EYS: variants seen among roughly 807,000 people sequenced by gnomAD.
EYS encodes EGF-like photoreceptor maintenance factor.
In EYS, 250 loss-of-function variants were observed where a neutral mutation model predicts 282.1. That is an observed-to-expected ratio of 0.89 (90% CI 0.80 to 0.98). The LOEUF is 0.98. Among genes scored for constraint, EYS ranks in the 50% least tolerant of loss-of-function variants. The pLI is 0.00. For missense variants in EYS, 4,016 were observed against 3,709.0 expected, an observed-to-expected ratio of 1.08 and a Z score of -2.15; for synonymous variants, 1,355 against 1,282.9, an observed-to-expected ratio of 1.06 and a Z score of -1.20.
At chr6:64,522,249 T>C (rs1777767970) in intron 26 of EYS, among the ~76,000 whole-genome samples, 1 of 151,780 alleles carries the variant, frequency 6.6e-6, no homozygotes, top group Admixed American at 6.6e-5. Context: ...ATAGTTTCAT[T>C]TTATGTATTT....
At chr6:63,955,519 C>A (rs1765778887) in intron 35 of EYS, among the ~76,000 whole-genome samples, 3 of 152,170 alleles carry the variant, frequency 2.0e-5, no homozygotes, top group Admixed American at 2.0e-4. Flanking sequence ...GCTATCTCCA[C>A]TACACTATCA....
rs78334411 is a variant in EYS, at chr6:63,775,886, A to T, written c.7898+2120T>A. 3.1e-4 allele frequency among the ~76,000 whole-genome samples: 47 copies of T among 152,248 alleles called. No homozygotes were observed. In the East Asian group the frequency reaches 9.1e-3, roughly 29 times the overall value. ...AAATTCACTTGTTTTAAGTTCAGGG[A>T]TCTGTAAATTTAATGTTATTAAATG... On this transcript the variant is annotated intron_variant, in intron 40 of 42. Transcript: ENST00000503581.
intron 30 of EYS, among the ~76,000 whole-genome samples, chr6:64,249,757 G>A (rs185579269): frequency 6.6e-6 from 1 of 152,302 alleles, no homozygotes. Context: ...AGAGAGGAAT[G>A]CATCTACCGC....
chr6:65,035,711 C>T (rs1251160819), intron 13 of EYS, among the ~76,000 whole-genome samples: 1 of 151,680 alleles, frequency 6.6e-6, no homozygotes, highest in African/African-American at 2.4e-5. Context: ...ATGTTCCATG[C>T]TCATGAATTG....
intron 31 of EYS, among the ~76,000 whole-genome samples, chr6:64,223,387 T>A (rs1455527545): frequency 6.6e-6 from 1 of 152,064 alleles, no homozygotes; most frequent in Non-Finnish European, 1.5e-5. Flanking sequence ...AAAATGCGTA[T>A]CCTCTAGAGA....
intron 12 of EYS, among the ~76,000 whole-genome samples, chr6:65,063,337 T>C (rs1773636600): frequency 6.6e-6 from 1 of 152,014 alleles, no homozygotes; most frequent in African/African-American, 2.4e-5. Flanking sequence ...TGGAATGTAT[T>C]ATAAACTACA....
intron 30 of EYS, among the ~76,000 whole-genome samples, chr6:64,242,334 C>T (rs562970794): frequency 6.6e-6 from 1 of 152,104 alleles, no homozygotes; most frequent in African/African-American, 2.4e-5. Context: ...TACCAGAACC[C>T]AAAGCTGGAT....
At chr6:65,362,986 GA>G (rs1275379089) in intron 8 of EYS, among the ~76,000 whole-genome samples, 3 of 152,010 alleles carry the variant, frequency 2.0e-5, no homozygotes, top group Admixed American at 1.3e-4. Flanking sequence ...AAAGAACCAT[GA>G]AAATGATCTG....
chr6:63,778,156 C>T lies in EYS; in HGVS notation c.7748G>A (p.Arg2583His), dbSNP rs564020009. 1.4e-5 allele frequency: 22 copies of T among 1,551,672 alleles called. No homozygotes were observed. The highest frequency in any genetic ancestry group is 1.7e-5 in the Non-Finnish European group (19 of 1,146,960). ...FQGCIFTLQV[R>H]TEKDGHFRGL... ...TCTGAAATGGCCATCCTTCTCAGTGCGAACTTGAAGAGTGAAAATACAGCC... is the reference window on the plus strand; with the variant it reads ...TCTGAAATGGCCATCCTTCTCAGTGTGAACTTGAAGAGTGAAAATACAGCC... The change falls in exon 40 of 43, where the codon CGC (arginine) becomes CAC (histidine). Residue 2583 changes from arginine (R) to histidine (H), a missense_variant. By Grantham distance (29) the Arg-to-His change is conservative (BLOSUM62 0). Coordinates refer to ENST00000503581, the MANE Select transcript of EYS (RefSeq NM_001142800.2).
chr6:65,332,998 A>G (rs566515364), intron 11 of EYS, among the ~76,000 whole-genome samples: 1 of 151,178 alleles, frequency 6.6e-6, no homozygotes, highest in African/African-American at 2.4e-5. Context: ...ATTTTAGTAT[A>G]TTTGTTAATG....
intron 13 of EYS, among the ~76,000 whole-genome samples, chr6:65,031,160 C>T (rs9363324): frequency 7.7e-5 from 9 of 117,330 alleles, no homozygotes; most frequent in African/African-American, 1.4e-4. Flanking sequence ...TATATATATA[C>T]ACACACACGC....
chr6:64,154,636 G>T lies in EYS; in HGVS notation c.6425-72634C>A, dbSNP rs538129891. ...ATATTTTACAATAAACATAATATGTGCTCTTTATCAGAAAATAGAAAATGC... is the reference window on the plus strand; with the variant it reads ...ATATTTTACAATAAACATAATATGTTCTCTTTATCAGAAAATAGAAAATGC... On this transcript the variant is annotated intron_variant, in intron 31 of 42. Transcript: ENST00000503581. Among the ~76,000 whole-genome samples the T allele has an allele frequency of 4.7e-4, 72 of 151,978 alleles. 1 individual carries two copies. In the East Asian group the frequency reaches 0.012, roughly 26 times the overall value.
intron 12 of EYS, among the ~76,000 whole-genome samples, chr6:65,163,934 T>C (rs1471574789): frequency 6.6e-6 from 1 of 151,220 alleles, no homozygotes; most frequent in Non-Finnish European, 1.5e-5. Flanking sequence ...TAGCTGGCAC[T>C]CTGCACAAGT....
chr6:64,256,211 G>C (rs113920143), intron 30 of EYS, among the ~76,000 whole-genome samples: 48 of 151,916 alleles, frequency 3.2e-4, no homozygotes, highest in African/African-American at 7.2e-4. Context: ...GATTCATCTT[G>C]ATAAATTTTC....
intron 30 of EYS, among the ~76,000 whole-genome samples, chr6:64,291,504 A>G (rs1211267058): frequency 6.6e-6 from 1 of 152,128 alleles, no homozygotes; most frequent in African/African-American, 2.4e-5. Context: ...AAATATTGAT[A>G]GCTTTCAATT....
chr6:65,513,662 G>C lies in EYS; in HGVS notation c.-332-17669C>G, dbSNP rs1766992246. On this transcript the variant is annotated intron_variant, in intron 2 of 42. Transcript: ENST00000503581. The stretch of plus-strand genomic sequence containing the variant: ...TATGCAAATCAATAAATGTAATCCA[G>C]CATATGAACAGAACCAAAGACAAAA... Among the ~76,000 whole-genome samples, 3 of 152,178 alleles carry C rather than the reference G, an allele frequency of 2.0e-5. No homozygotes were observed. In the South Asian group the frequency reaches 6.2e-4, roughly 32 times the overall value.
intron 22 of EYS, among the ~76,000 whole-genome samples, chr6:64,734,125 A>G (rs200155339): frequency 6.6e-4 from 5 of 7,622 alleles, no homozygotes; most frequent in Non-Finnish European, 2.5e-3. Context: ...ATTTTAAGGG[A>G]AAAAAAAAAA....
At chr6:63,769,566 TAGC>T (rs1447810278) in intron 40 of EYS, among the ~76,000 whole-genome samples, 2 of 152,092 alleles carry the variant, frequency 1.3e-5, no homozygotes, top group African/African-American at 4.8e-5. Flanking sequence ...AAACAGATGA[TAGC>T]AGAGAATAAA....
intron 22 of EYS, among the ~76,000 whole-genome samples, chr6:64,795,269 A>C (rs1313057038): frequency 1.3e-5 from 2 of 151,760 alleles, no homozygotes; most frequent in Non-Finnish European, 2.9e-5. Flanking sequence ...ATTGCCTTTT[A>C]TTTTGAAATT....
Sources: allele counts gnomAD v4.1 joint callset (sites outside exome capture counted in the v4.1 genomes callset), GRCh38; gene constraint gnomAD v4.1.1; transcripts MANE v1.5; gene names NCBI Gene and HGNC (gene_info 2026-07-23, HGNC 2026-07-21).